The following DNAH14 variants were observed in gnomAD, a reference collection of about 807,000 sequenced individuals.
DNAH14 encodes axonemal beta dynein heavy chain 14.
A neutral mutation model predicts 520.9 loss-of-function variants in DNAH14; 478 were observed. The ratio of observed to expected loss-of-function variants is 0.92; its 90% CI spans 0.85 to 0.99. The LOEUF (loss-of-function observed/expected upper bound fraction) is 0.99. DNAH14 is among the 50% of genes least tolerant of loss of function. DNAH14 has a pLI of 0.00. For synonymous variants in DNAH14, 1,581 were observed against 1,757.2 expected (o/e 0.90, Z 2.51); for missense variants, 4,831 against 5,234.5 (o/e 0.92, Z 2.38).
Position 225,147,245 on chromosome 1 carries a change from GC to G in DNAH14, c.4938del (p.Arg1647GlyfsTer21). ...TAAGGCTGCAAAAGACAACTATTCT[GC>G]CAGGTATTTGTCGAATGTGTTTATA... ...TIKAAKDNYS[A>X]RFVLEGKEIR... On this transcript the variant is annotated frameshift_variant, in exon 31 of 86. Coordinates refer to ENST00000682510, the MANE Select transcript of DNAH14 (RefSeq NM_001367479.1). LOFTEE classifies it high-confidence loss of function. The G allele has an allele frequency of 6.5e-7, 1 of 1,542,326 alleles. No homozygotes were observed. Among genetic ancestry groups the G allele is most frequent in the Non-Finnish European group, 8.7e-7 (1 of 1,144,342 alleles).
intron 41 of DNAH14, among the ~76,000 whole-genome samples, chr1:225,212,599 T>G (rs966348302): frequency 3.9e-5 from 6 of 152,194 alleles, no homozygotes; most frequent in Admixed American, 3.9e-4. Context: ...ATCACCATTC[T>G]AACTGGTGTG....
intron 36 of DNAH14, among the ~76,000 whole-genome samples, chr1:225,175,429 A>G (rs1320836692): frequency 1.3e-5 from 2 of 152,070 alleles, no homozygotes; most frequent in Non-Finnish European, 2.9e-5. Context: ...TTGTTGGCAT[A>G]TAGTTGTTCA....
chr1:224,981,543 A>G (rs373285048), intron 8 of DNAH14, among the ~76,000 whole-genome samples: 8 of 152,126 alleles, frequency 5.3e-5, no homozygotes, highest in East Asian at 3.9e-4. Context: ...GAATTTATCC[A>G]TTTCTTCTAG....
chr1:225,180,662 C>T (rs2083878183), intron 36 of DNAH14, among the ~76,000 whole-genome samples: 1 of 152,118 alleles, frequency 6.6e-6, no homozygotes, highest in Non-Finnish European at 1.5e-5. Flanking sequence ...GATATAAACA[C>T]TTCTCATTAG....
chr1:225,040,858 C>T (rs2067414798), intron 12 of DNAH14, among the ~76,000 whole-genome samples: 1 of 152,172 alleles, frequency 6.6e-6, no homozygotes, highest in South Asian at 2.1e-4. Context: ...TTTATTGCTC[C>T]ATAAGCTTAC....
intron 37 of DNAH14, among the ~76,000 whole-genome samples, chr1:225,185,956 T>TTC (rs1302354952): frequency 6.7e-6 from 1 of 149,512 alleles, no homozygotes; most frequent in Non-Finnish European, 1.5e-5. Context: ...GTTTTTTTTT[T>TTC]TTTTTTTGGC....
rs561780965 is a variant in DNAH14, at chr1:225,226,184, A to G, written c.6440-4889A>G. ...CTTCCCCTCTGTTACTTGGGCAGACACCTCCTTCCCAGCCTCTAATAACAT... is the reference window on the plus strand; with the variant it reads ...CTTCCCCTCTGTTACTTGGGCAGACGCCTCCTTCCCAGCCTCTAATAACAT... On this transcript the variant is annotated intron_variant, in intron 41 of 85. Transcript: ENST00000682510. Among the ~76,000 whole-genome samples the G allele has an allele frequency of 1.4e-4, 22 of 152,186 alleles. No individual in the cohort carries two copies. The South Asian group carries it at 4.6e-3, about 32-fold the overall frequency.
intron 11 of DNAH14, among the ~76,000 whole-genome samples, chr1:225,026,235 T>A (rs1355419551): frequency 6.6e-6 from 1 of 151,608 alleles, no homozygotes; most frequent in East Asian, 1.9e-4. Context: ...AAAAAAGTTT[T>A]TAATTTCTAA....
rs763402081 is a variant in DNAH14, at chr1:225,207,151, G to A, written c.6370G>A (p.Val2124Ile). 60 of 1,547,888 alleles carry A rather than the reference G, an allele frequency of 3.9e-5. No individual in the cohort carries two copies. The highest frequency in any genetic ancestry group is 5.5e-5 in the African/African-American group (4 of 72,880). Residue 2124 changes from valine (V) to isoleucine (I), a missense_variant, in exon 41 of 86, where the codon GTC (valine) becomes ATC (isoleucine). By Grantham distance (29) the Val-to-Ile change is conservative (BLOSUM62 3). Coordinates refer to ENST00000682510, the MANE Select transcript of DNAH14 (RefSeq NM_001367479.1). ...QPYPMEDITVVITLCRILDAF... is the reference protein window; with the variant it reads ...QPYPMEDITVIITLCRILDAF... Reference sequence around the variant, plus strand: ...ATATCCTATGGAGGACATAACAGTCGTCATAACCCTCTGCAGAATTCTTGA... The same window carrying A: ...ATATCCTATGGAGGACATAACAGTCATCATAACCCTCTGCAGAATTCTTGA...
intron 8 of DNAH14, among the ~76,000 whole-genome samples, chr1:224,983,464 G>A (rs2062413303): frequency 6.6e-6 from 1 of 152,108 alleles, no homozygotes; most frequent in African/African-American, 2.4e-5. Flanking sequence ...ATGGGAAAAA[G>A]TTGAAAGCAC....
At chr1:225,390,595 C>T (rs2095896787) in intron 83 of DNAH14, among the ~76,000 whole-genome samples, 1 of 151,776 alleles carries the variant, frequency 6.6e-6, no homozygotes, top group Admixed American at 6.6e-5. Flanking sequence ...AACAGGGGGA[C>T]CTTCACTAAG....
chr1:225,132,933 G>T (rs990409250), intron 27 of DNAH14, among the ~76,000 whole-genome samples: 5 of 152,012 alleles, frequency 3.3e-5, no homozygotes, highest in African/African-American at 1.2e-4. Flanking sequence ...GCGTGAGATG[G>T]TATCTCATTG....
In DNAH14 at chr1:225,270,850, T is replaced by G. The variant is rs1156739472; in HGVS notation, c.7655T>G (p.Leu2552Ter). The G allele has an allele frequency of 1.9e-6, 3 of 1,550,932 alleles. No individual in the cohort carries two copies. Among genetic ancestry groups the G allele is most frequent in the Non-Finnish European group, 2.6e-6 (3 of 1,146,722 alleles). Residue 2552 changes from leucine to a stop codon, truncating the protein, a stop_gained, in exon 50 of 86, where the codon TTA becomes TGA. Transcript: ENST00000682510. LOFTEE classifies it high-confidence loss of function. Reference protein sequence around the residue: ...LVLPHPSQDILCTIFQAHLGI... With the variant: ...LVLPHPSQDI The stretch of plus-strand genomic sequence containing the variant: ...TTACCTCATCCTTCACAAGACATCT[T>G]ATGTACTATTTTCCAGGTAACACAT...
At chr1:225,152,963 A>G (rs1236957214) in intron 33 of DNAH14, 80 bp downstream of exon 33, 3 of 1,405,462 alleles carry the variant, frequency 2.1e-6, no homozygotes, top group East Asian at 2.5e-5. Flanking sequence ...GGATTGGTCC[A>G]GGGATGACCT....
At chr1:225,060,054 C>A (rs2069802846) in intron 17 of DNAH14, among the ~76,000 whole-genome samples, 1 of 151,888 alleles carries the variant, frequency 6.6e-6, no homozygotes, top group African/African-American at 2.4e-5. Flanking sequence ...TCTGTATTTG[C>A]TGAAGTTGAA....
intron 6 of DNAH14, 163 bp downstream of exon 6, chr1:224,967,746 T>G: frequency 6.5e-7 from 1 of 1,530,166 alleles, no homozygotes; most frequent in Non-Finnish European, 8.7e-7. Context: ...TATTTAATAG[T>G]GAAGTTTTTC....
At chr1:224,964,689 A>G in intron 5 of DNAH14, 80 bp downstream of exon 5, 2 of 1,244,606 alleles carry the variant, frequency 1.6e-6, no homozygotes, top group Non-Finnish European at 2.2e-6. Flanking sequence ...CATTTCAGAT[A>G]TTATGTCAAA....
chr1:225,335,710 TATATACG>T (rs2094980937), intron 66 of DNAH14, among the ~76,000 whole-genome samples: 1 of 84,930 alleles, frequency 1.2e-5, no homozygotes, highest in Admixed American at 9.7e-5. Context: ...TGCATATATG[TATATACG>T]CATATATACA....
Position 225,374,751 on chromosome 1 carries a change from C to A in DNAH14, c.12382C>A (p.Arg4128Ser), listed in dbSNP as rs777103417. Reference protein sequence around the residue: ...GQPSISWQALRYLIGEVIYGG... With the variant: ...GQPSISWQALSYLIGEVIYGG... The stretch of plus-strand genomic sequence containing the variant: ...GCCCAGCATTTCGTGGCAAGCACTG[C>A]GCTACCTGATTGGAGAAGTGATTTA... Residue 4128 changes from arginine (R) to serine (S), a missense_variant, in exon 78 of 86, where the codon CGC becomes AGC. Coordinates refer to ENST00000682510, the MANE Select transcript of DNAH14 (RefSeq NM_001367479.1). 1.3e-6 allele frequency: 2 copies of A among 1,551,382 alleles called. No homozygotes were observed. Among genetic ancestry groups the A allele is most frequent in the Non-Finnish European group, 1.7e-6 (2 of 1,146,924 alleles).
Sources: allele counts gnomAD v4.1 joint callset (sites outside exome capture counted in the v4.1 genomes callset), GRCh38; gene constraint gnomAD v4.1.1; transcripts MANE v1.5; gene names NCBI Gene and HGNC (gene_info 2026-07-23, HGNC 2026-07-21).